CHAF1B: variants seen among roughly 807,000 people sequenced by gnomAD.
CHAF1B encodes CAF-1 subunit B.
In CHAF1B, 10 loss-of-function variants were observed where a neutral mutation model predicts 60.7. That is an observed-to-expected ratio of 0.16 (90% CI 0.10 to 0.28). The LOEUF is 0.28. Ranked by LOEUF, CHAF1B falls within the 10% of genes least tolerant of loss-of-function variation. The pLI, the probability that CHAF1B is intolerant of heterozygous loss-of-function variation, is 1.00. For missense variants in CHAF1B, 558 were observed against 708.4 expected, an observed-to-expected ratio of 0.79 and a Z score of 2.41; for synonymous variants, 261 against 266.1, an observed-to-expected ratio of 0.98 and a Z score of 0.19.
intron 2 of CHAF1B, among the ~76,000 whole-genome samples, chr21:36,387,224 GTT>G (rs61437805): frequency 1.1e-4 from 14 of 131,442 alleles, no homozygotes; most frequent in Admixed American, 7.7e-5. Flanking sequence ...GCATAGTTTT[GTT>G]TTTTTTTTTT....
rs113388736 is a variant in CHAF1B, at chr21:36,411,494, G to A, written c.951G>A (p.Leu317=). The A allele has an allele frequency of 1.6e-3, 2,540 of 1,614,036 alleles. 3 individuals are homozygous for A. Among genetic ancestry groups the A allele is most frequent in the Non-Finnish European group, 1.9e-3 (2,256 of 1,180,000 alleles). ...GVELMSLPYR[L]VFAVASEDSV... is the part of the protein sequence containing the mutation. ...AGCTGATGAGTCTGCCCTACCGCCT[G>A]GTGTTTGCTGTGGCCTCGGAGGATT... Residue 317 remains leucine, a synonymous_variant, in exon 11 of 14, where the codon CTG becomes CTA. Transcript: ENST00000314103.
intron 6 of CHAF1B, chr21:36,398,255 T>C (rs1220535863): frequency 6.6e-6 from 1 of 152,140 alleles, no homozygotes; most frequent in Non-Finnish European, 1.5e-5. Context: ...GATTTTGCCA[T>C]GTTGCCCAGG....
At chr21:36,416,251 A>T (rs753356105) in intron 13 of CHAF1B, 24 bp from the exon 14 acceptor site, 1 of 1,597,300 alleles carries the variant, frequency 6.3e-7, no homozygotes, top group Non-Finnish European at 8.5e-7. Context: ...TTACTTGCCA[A>T]CCTTATGTTT....
chr21:36,410,088 G>T (rs141089741), intron 10 of CHAF1B, among the ~76,000 whole-genome samples: 1 of 151,718 alleles, frequency 6.6e-6, no homozygotes, highest in African/African-American at 2.4e-5. Flanking sequence ...CTATCCTCCA[G>T]AGTAGCTGGG....
intron 8 of CHAF1B, among the ~76,000 whole-genome samples, chr21:36,404,622 C>T (rs1350685358): frequency 1.9e-4 from 29 of 149,682 alleles, no homozygotes; most frequent in African/African-American, 5.9e-4. Context: ...TTAGTAGAGA[C>T]GGGGTTTCTC....
chr21:36,400,311 CT>C (rs1437777155), intron 7 of CHAF1B, among the ~76,000 whole-genome samples: 5 of 151,726 alleles, frequency 3.3e-5, no homozygotes, highest in Non-Finnish European at 7.4e-5. Flanking sequence ...GAAACCCTGT[CT>C]CTACAAAAAA....
intron 4 of CHAF1B, among the ~76,000 whole-genome samples, chr21:36,393,692 G>A (rs372083852): frequency 4.6e-5 from 7 of 152,160 alleles, no homozygotes; most frequent in African/African-American, 1.7e-4. Flanking sequence ...AACCTCAGGT[G>A]ATCCGCCCAC....
At chr21:36,402,729 A>T (rs1033815056) in intron 7 of CHAF1B, 29 bp from the exon 8 acceptor site, 25 of 1,575,230 alleles carry the variant, frequency 1.6e-5, no homozygotes, top group East Asian at 2.2e-5. Context: ...AACAAAAAAA[A>T]TAATAAAAAT....
chr21:36,412,793 C>T, intron 11 of CHAF1B, 91 bp from the exon 12 acceptor site: 1 of 1,267,270 alleles, frequency 7.9e-7, no homozygotes, highest in Non-Finnish European at 1.1e-6. Context: ...TGCCTTCAAA[C>T]AAGCTTGTGA....
Position 36,413,287 on chromosome 21 carries a change from C to T in CHAF1B, c.1465C>T (p.Leu489=), listed in dbSNP as rs779702547. Residue 489 remains leucine, a synonymous_variant, in exon 12 of 14, where the codon CTG becomes TTG. Transcript: ENST00000314103. ...ATCCCGGAGGGTCACTCTGAACACACTGCAAGCCTGGAGCAAGACAACACC... is the reference window on the plus strand; with the variant it reads ...ATCCCGGAGGGTCACTCTGAACACATTGCAAGCCTGGAGCAAGACAACACC... ...HPSRRVTLNT[L]QAWSKTTPRR... 1.3e-6 allele frequency: 2 copies of T among 1,596,552 alleles called. No individual in the cohort carries two copies. The highest frequency in any genetic ancestry group is 1.8e-5 in the Admixed American group (1 of 56,038).
chr21:36,407,300 TA>T (rs56714492), intron 8 of CHAF1B, among the ~76,000 whole-genome samples: 29,149 of 128,468 alleles, frequency 0.23, 3,830 homozygotes, highest in African/African-American at 0.42. Flanking sequence ...AGACTCTGTC[TA>T]AAAAAAAAAA....
chr21:36,397,647 T>G (rs960347866), intron 6 of CHAF1B, 136 bp downstream of exon 6: 1 of 434,834 alleles, frequency 2.3e-6, no homozygotes, highest in African/African-American at 2.0e-5. Flanking sequence ...TTCATACTCA[T>G]TCTTACAACA....
chr21:36,397,438 G>T lies in CHAF1B; in HGVS notation c.505G>T (p.Glu169Ter). The stretch of plus-strand genomic sequence containing the variant: ...AGGACAAAAGATATCAATTTTTAAT[G>T]AACATAAAAGTTATGTCCAAGGAGT... Reference protein sequence around the residue: ...SKGQKISIFNEHKSYVQGVTW... With the variant: ...SKGQKISIFN Residue 169 changes from glutamate to a stop codon, truncating the protein, a stop_gained, in exon 6 of 14, where the codon GAA becomes TAA. Transcript: ENST00000314103. LOFTEE classifies it high-confidence loss of function. The T allele has an allele frequency of 6.4e-7, 1 of 1,553,284 alleles. No individual in the cohort carries two copies. The highest frequency in any genetic ancestry group is 1.2e-5 in the South Asian group (1 of 83,488).
At chr21:36,408,647 C>T in intron 8 of CHAF1B, 114 bp from the exon 9 acceptor site, 2 of 692,804 alleles carry the variant, frequency 2.9e-6, no homozygotes, top group Non-Finnish European at 5.3e-6. Flanking sequence ...GAGAATATAA[C>T]TGCAGGGGGA....
intron 10 of CHAF1B, 60 bp from the exon 11 acceptor site, chr21:36,411,403 T>C: frequency 6.3e-7 from 1 of 1,596,556 alleles, no homozygotes; most frequent in Non-Finnish European, 8.5e-7. Flanking sequence ...CGTGAGCCAT[T>C]GCACCTGGTC....
intron 10 of CHAF1B, among the ~76,000 whole-genome samples, chr21:36,411,216 C>T (rs559974376): frequency 1.3e-4 from 20 of 151,280 alleles, no homozygotes; most frequent in Non-Finnish European, 2.5e-4. Flanking sequence ...TGGGTTCAAG[C>T]GATTCTCCTG....
intron 1 of CHAF1B, 144 bp downstream of exon 1, chr21:36,385,595 C>T (rs1400974525): frequency 1.3e-5 from 2 of 151,776 alleles, no homozygotes; most frequent in Non-Finnish European, 2.9e-5. Context: ...CGTCCACCCC[C>T]GGCCCCGCGC....
intron 7 of CHAF1B, among the ~76,000 whole-genome samples, chr21:36,402,449 G>A (rs1018530896): frequency 1.3e-5 from 2 of 152,158 alleles, no homozygotes; most frequent in Admixed American, 6.5e-5. Context: ...GTTCTTAAGA[G>A]TTTTTAAAAA....
At chr21:36,391,725 A>T in intron 4 of CHAF1B, 57 bp downstream of exon 4, 1 of 1,127,086 alleles carries the variant, frequency 8.9e-7, no homozygotes. Flanking sequence ...CATTAAATGG[A>T]ATATACCTTT....
Sources: allele counts gnomAD v4.1 joint callset (sites outside exome capture counted in the v4.1 genomes callset), GRCh38; gene constraint gnomAD v4.1.1; transcripts MANE v1.5; gene names NCBI Gene and HGNC (gene_info 2026-07-23, HGNC 2026-07-21).